The following COL25A1 variants were observed in gnomAD, a reference collection of about 807,000 sequenced individuals.
COL25A1 encodes the protein collagen type XXV alpha 1 chain.
COL25A1 carries 103 observed loss-of-function variants against 128.4 expected under a neutral mutation model. The observed-to-expected ratio is 0.80, with a 90% confidence interval of 0.68 to 0.94. The LOEUF is 0.94. Ranked by LOEUF, COL25A1 falls within the 40% of genes least tolerant of loss-of-function variation. The pLI is 0.00. For synonymous variants in COL25A1, 279 were observed against 277.2 expected (o/e 1.01, Z -0.06); for missense variants, 745 against 840.0 (o/e 0.89, Z 1.40).
At chr4:109,263,410 T>C (rs902763141) in intron 3 of COL25A1, among the ~76,000 whole-genome samples, 6 of 152,012 alleles carry the variant, frequency 3.9e-5, no homozygotes. Flanking sequence ...AAGAGTTATA[T>C]GAAAGGGGAG....
At chr4:109,232,416 G>T (rs1248199216) in intron 3 of COL25A1, among the ~76,000 whole-genome samples, 3 of 152,168 alleles carry the variant, frequency 2.0e-5, no homozygotes, top group African/African-American at 7.2e-5. Context: ...CCTATAAATT[G>T]TGGCTGAAAT....
rs146373520 is a variant in COL25A1, at chr4:109,200,527, G to C, written c.367+100056C>G. Reference sequence around the variant, plus strand: ...GGCTGGAATGCAATGGCACAATTTTGGTTCTCTGCAACCTCCGCCTCCTGG... The same window carrying C: ...GGCTGGAATGCAATGGCACAATTTTCGTTCTCTGCAACCTCCGCCTCCTGG... On this transcript the variant is annotated intron_variant, in intron 3 of 37. Transcript: ENST00000399132. 7.8e-3 allele frequency among the ~76,000 whole-genome samples: 1,181 copies of C among 152,066 alleles called. 21 individuals are homozygous for C. The highest frequency in any genetic ancestry group is 0.027 in the African/African-American group (1,124 of 41,482).
At chr4:109,236,261 T>C (rs1779473816) in intron 3 of COL25A1, among the ~76,000 whole-genome samples, 1 of 152,106 alleles carries the variant, frequency 6.6e-6, no homozygotes, top group Non-Finnish European at 1.5e-5. Context: ...ATTTAATTTA[T>C]AAAACTTTAT....
intron 3 of COL25A1, among the ~76,000 whole-genome samples, chr4:109,102,529 T>C (rs981415940): frequency 2.6e-5 from 4 of 152,152 alleles, no homozygotes; most frequent in African/African-American, 9.6e-5. Context: ...ATAATATTTT[T>C]CAGGTATTCT....
rs1737516184 is a variant in COL25A1 at position 108,863,494 on chromosome 4, T to C, written c.1084-107A>G. On this transcript the variant is annotated intron_variant, in intron 20 of 37. Coordinates refer to ENST00000399132, the MANE Select transcript of COL25A1 (RefSeq NM_198721.4). Reference sequence around the variant, plus strand: ...AACCAAAGAAAGCAGAGAGTTTTCATTGATTTACCCTGTACCCAGCACTTT... The same window carrying C: ...AACCAAAGAAAGCAGAGAGTTTTCACTGATTTACCCTGTACCCAGCACTTT... 5 of 843,192 alleles carry C rather than the reference T, an allele frequency of 5.9e-6. No homozygotes were observed. In the African/African-American group the frequency reaches 6.9e-5, roughly 12 times the overall value. 52.2% of individuals were successfully genotyped at this position (843,192 alleles called of 1,614,324 possible).
intron 3 of COL25A1, among the ~76,000 whole-genome samples, chr4:109,290,503 C>G (rs1372364046): frequency 6.6e-6 from 1 of 152,052 alleles, no homozygotes. Context: ...TTAAAAACTT[C>G]CAGATGCTTA....
chr4:108,938,049 A>T (rs940287419), intron 10 of COL25A1, among the ~76,000 whole-genome samples: 11 of 152,208 alleles, frequency 7.2e-5, no homozygotes, highest in Admixed American at 3.3e-4. Flanking sequence ...ATTAGTCTAG[A>T]TTATCATGTC....
intron 3 of COL25A1, among the ~76,000 whole-genome samples, chr4:109,092,795 A>G (rs1157364476): frequency 1.3e-5 from 2 of 152,156 alleles, no homozygotes; most frequent in Non-Finnish European, 2.9e-5. Flanking sequence ...AGAGTTTGCT[A>G]TAATGGAGTG....
At chr4:109,029,184 C>A (rs1045471605) in intron 5 of COL25A1, among the ~76,000 whole-genome samples, 1 of 152,024 alleles carries the variant, frequency 6.6e-6, no homozygotes, top group African/African-American at 2.4e-5. Flanking sequence ...ATGAAATTAT[C>A]CAAAAGAGAG....
intron 3 of COL25A1, among the ~76,000 whole-genome samples, chr4:109,282,246 G>T (rs915354607): frequency 6.6e-5 from 10 of 152,114 alleles, no homozygotes; most frequent in Admixed American, 2.6e-4. Flanking sequence ...TTCTGGCTGG[G>T]TTTTAAATCC....
rs545175046 is a variant in COL25A1, at chr4:108,837,755, A to G, written c.1656+3940T>C. On this transcript the variant is annotated intron_variant, in intron 31 of 37. Transcript: ENST00000399132. ...TTGAGGAAGCATTTTAAACTGCACT[A>G]GATTATAAAAAGTGTTTGGGAGAAA... Among the ~76,000 whole-genome samples the G allele has an allele frequency of 2.6e-5, 4 of 152,318 alleles. No homozygotes were observed. The South Asian group carries it at 8.3e-4, about 32-fold the overall frequency.
chr4:108,885,432 G>A (rs1360004584), intron 18 of COL25A1, among the ~76,000 whole-genome samples: 6 of 152,130 alleles, frequency 3.9e-5, no homozygotes, highest in African/African-American at 4.8e-5. Flanking sequence ...AAAGAAAAAC[G>A]ATTCTGTCTG....
At chr4:108,845,282 G>A (rs758187914) in intron 28 of COL25A1, 31 bp from the exon 29 acceptor site, 1 of 1,572,722 alleles carries the variant, frequency 6.4e-7, no homozygotes, top group Middle Eastern at 1.7e-4. Context: ...GAGTTAAGCA[G>A]GTAAAGTTAT....
Position 109,209,674 on chromosome 4 carries a change from G to A in COL25A1, c.367+90909C>T, listed in dbSNP as rs76451421. 0.011 allele frequency among the ~76,000 whole-genome samples: 1,624 copies of A among 152,166 alleles called. 59 individuals are homozygous for A. The South Asian group carries it at 0.14, about 13-fold the overall frequency. ...GAAATACAGACTATTTCTACGTAATGTATATAACTCACAGAAAGGAGTATA... is the reference window on the plus strand; with the variant it reads ...GAAATACAGACTATTTCTACGTAATATATATAACTCACAGAAAGGAGTATA... On this transcript the variant is annotated intron_variant, in intron 3 of 37. Transcript: ENST00000399132.
chr4:109,176,496 C>A (rs893628381), intron 3 of COL25A1, among the ~76,000 whole-genome samples: 2 of 151,988 alleles, frequency 1.3e-5, no homozygotes, highest in Non-Finnish European at 2.9e-5. Flanking sequence ...AAAGGGTCAG[C>A]AAATACAGAT....
intron 3 of COL25A1, among the ~76,000 whole-genome samples, chr4:109,087,980 C>T (rs929925011): frequency 2.6e-5 from 4 of 151,496 alleles, no homozygotes; most frequent in African/African-American, 7.3e-5. Context: ...TTATTTAATA[C>T]TCTGAAGCTT....
intron 8 of COL25A1, among the ~76,000 whole-genome samples, chr4:108,969,808 A>G (rs1751720997): frequency 6.6e-6 from 1 of 152,206 alleles, no homozygotes; most frequent in Admixed American, 6.5e-5. Flanking sequence ...ACTTTGTCCT[A>G]AATGAGTGAC....
At chr4:108,878,068 G>A (rs1739674075) in intron 19 of COL25A1, among the ~76,000 whole-genome samples, 1 of 152,102 alleles carries the variant, frequency 6.6e-6, no homozygotes, top group South Asian at 2.1e-4. Flanking sequence ...GACTCATCAG[G>A]TGTTTCTCTA....
intron 3 of COL25A1, among the ~76,000 whole-genome samples, chr4:109,189,899 A>AT (rs901231051): frequency 3.5e-4 from 53 of 152,050 alleles, no homozygotes; most frequent in African/African-American, 1.1e-3. Context: ...TATTGGTGGG[A>AT]TTTTTTCCCC....
Sources: allele counts gnomAD v4.1 joint callset (sites outside exome capture counted in the v4.1 genomes callset), GRCh38; gene constraint gnomAD v4.1.1; transcripts MANE v1.5; gene names NCBI Gene and HGNC (gene_info 2026-07-23, HGNC 2026-07-21).